Variants in SORCS2 observed in about 807,000 individuals in gnomAD.
SORCS2 encodes the protein sortilin related VPS10 domain containing receptor 2, also known as VPS10 domain-containing receptor SorCS2.
SORCS2 carries 100 observed loss-of-function variants against 141.6 expected under a neutral mutation model. The ratio of observed to expected loss-of-function variants is 0.71; its 90% CI spans 0.60 to 0.83. The LOEUF is 0.83. Among genes scored for constraint, SORCS2 ranks in the 40% least tolerant of loss-of-function variants. The pLI, the probability that SORCS2 is intolerant of heterozygous loss-of-function variation, is 0.00. For missense variants in SORCS2, 1,646 were observed against 1,560.2 expected (o/e 1.05, Z -0.93); for synonymous variants, 789 against 676.9 (o/e 1.17, Z -2.57).
At chr4:7,630,217 G>A (rs566549534) in intron 3 of SORCS2, among the ~76,000 whole-genome samples, 4 of 152,252 alleles carry the variant, frequency 2.6e-5, no homozygotes, top group South Asian at 2.1e-4. Flanking sequence ...CTCAGGATGC[G>A]TGGGAGCCAT....
chr4:7,365,977 T>A (rs942109624), intron 1 of SORCS2, among the ~76,000 whole-genome samples: 2 of 152,180 alleles, frequency 1.3e-5, no homozygotes, highest in African/African-American at 2.4e-5. Context: ...ACAGTCAGTA[T>A]GGGGAGTCCT....
chr4:7,676,799 TTCTGTCTCTCTC>T (rs775800655), intron 9 of SORCS2, among the ~76,000 whole-genome samples: 6,958 of 31,432 alleles, frequency 0.22, 1,277 homozygotes, highest in Non-Finnish European at 0.25. Flanking sequence ...AAGTCTGCCT[TTCTGTCTCTCTC>T]TCTCTCTCTC....
chr4:7,433,498 G>C (rs754999685), intron 2 of SORCS2: 1 of 1,599,492 alleles, frequency 6.3e-7, no homozygotes, highest in African/African-American at 1.3e-5. Flanking sequence ...CTTGCACACA[G>C]CCACGGGGTC....
At chr4:7,339,344 C>T (rs1293847679) in intron 1 of SORCS2, among the ~76,000 whole-genome samples, 1 of 152,236 alleles carries the variant, frequency 6.6e-6, no homozygotes, top group Non-Finnish European at 1.5e-5. Flanking sequence ...TGCAGTGCAA[C>T]AGCTGGTGTA....
intron 14 of SORCS2, among the ~76,000 whole-genome samples, chr4:7,707,839 C>T (rs1397991452): frequency 1.3e-5 from 2 of 152,186 alleles, no homozygotes; most frequent in East Asian, 1.9e-4. Flanking sequence ...GTGCAAGCAC[C>T]GCCTGCAGGG....
At chr4:7,370,957 G>A (rs1217347062) in intron 1 of SORCS2, among the ~76,000 whole-genome samples, 1 of 152,186 alleles carries the variant, frequency 6.6e-6, no homozygotes, top group Non-Finnish European at 1.5e-5. Flanking sequence ...CTAGGAGCCT[G>A]CCCTGGACCC....
intron 1 of SORCS2, among the ~76,000 whole-genome samples, chr4:7,356,367 C>T (rs1247842031): frequency 6.6e-6 from 1 of 152,198 alleles, no homozygotes; most frequent in African/African-American, 2.4e-5. Flanking sequence ...GCTGGGAAGT[C>T]CAAGGTCAAG....
At chr4:7,254,408 C>T (rs1455496358) in intron 1 of SORCS2, among the ~76,000 whole-genome samples, 1 of 148,532 alleles carries the variant, frequency 6.7e-6, no homozygotes, top group African/African-American at 2.6e-5. Context: ...TTAAGTGAAA[C>T]AAGCAAGGTA....
intron 13 of SORCS2, among the ~76,000 whole-genome samples, 178 bp from the exon 14 acceptor site, chr4:7,703,999 A>T (rs1725250411): frequency 6.6e-6 from 1 of 152,234 alleles, no homozygotes; most frequent in Admixed American, 6.5e-5. Flanking sequence ...AGATAAGCAG[A>T]TGTAACATAA....
intron 1 of SORCS2, among the ~76,000 whole-genome samples, chr4:7,310,165 G>A (rs1560182201): frequency 1.3e-5 from 2 of 152,212 alleles, no homozygotes; most frequent in Admixed American, 6.5e-5. Context: ...GAGAGCTGAC[G>A]GCTCTGGAGT....
intron 3 of SORCS2, among the ~76,000 whole-genome samples, chr4:7,542,028 GGGGTGAGGGCAA>G (rs1189715767): frequency 6.6e-6 from 1 of 152,168 alleles, no homozygotes; most frequent in Non-Finnish European, 1.5e-5. Context: ...TTTTGTAACA[GGGGTGAGGGCAA>G]GGCAATTGCC....
chr4:7,238,322 G>T (rs1712435246), intron 1 of SORCS2, among the ~76,000 whole-genome samples: 1 of 152,166 alleles, frequency 6.6e-6, no homozygotes, highest in Admixed American at 6.5e-5. Context: ...ATACAGCTTT[G>T]TGTGTTGCTA....
At position 7,257,441 on chromosome 4, in the gene SORCS2, C is replaced by T. The variant is rs548702193; in HGVS notation, c.480+64315C>T. On this transcript the variant is annotated intron_variant, in intron 1 of 26. Coordinates refer to ENST00000507866, the MANE Select transcript of SORCS2 (RefSeq NM_020777.3). ...TGTAAGTATGGACCCTGAGAGGCGG[C>T]AGGGCAGGGAGAGCCTCTCCGCATC... Among the ~76,000 whole-genome samples the T allele has an allele frequency of 2.5e-4, 38 of 152,232 alleles. 1 individual carries two copies. The highest frequency in any genetic ancestry group is 3.9e-4 in the Admixed American group (6 of 15,302).
intron 1 of SORCS2, among the ~76,000 whole-genome samples, chr4:7,243,654 C>T (rs968798688): frequency 1.3e-5 from 2 of 152,262 alleles, no homozygotes; most frequent in Admixed American, 1.3e-4. Flanking sequence ...AAACTCCAGA[C>T]TCTCAGAAGG....
chr4:7,235,539 A>C (rs1025571367), intron 1 of SORCS2, among the ~76,000 whole-genome samples: 5 of 152,164 alleles, frequency 3.3e-5, no homozygotes, highest in African/African-American at 1.2e-4. Flanking sequence ...GAGCGGGTGG[A>C]TGGGGAGCCC....
At chr4:7,228,211 T>G (rs185961568) in intron 1 of SORCS2, among the ~76,000 whole-genome samples, 33 of 152,344 alleles carry the variant, frequency 2.2e-4, no homozygotes, top group African/African-American at 7.5e-4. Flanking sequence ...CGTATGTGCC[T>G]GTGTCCTAAT....
intron 11 of SORCS2, among the ~76,000 whole-genome samples, chr4:7,694,295 C>T (rs985659920): frequency 3.9e-5 from 6 of 152,028 alleles, no homozygotes; most frequent in African/African-American, 1.5e-4. Flanking sequence ...GAAGCTTCTC[C>T]CCTCATCACC....
chr4:7,612,186 C>A (rs561209005), intron 3 of SORCS2, among the ~76,000 whole-genome samples: 1 of 152,072 alleles, frequency 6.6e-6, no homozygotes, highest in Non-Finnish European at 1.5e-5. Context: ...AGCCAGGATG[C>A]GGGAGTTTCA....
chr4:7,405,182 C>T (rs1254576638), intron 2 of SORCS2, among the ~76,000 whole-genome samples: 1 of 152,026 alleles, frequency 6.6e-6, no homozygotes, highest in East Asian at 1.9e-4. Flanking sequence ...GGCTTTATTT[C>T]TGGGTTCTCC....
Sources: allele counts gnomAD v4.1 joint callset (sites outside exome capture counted in the v4.1 genomes callset), GRCh38; gene constraint gnomAD v4.1.1; transcripts MANE v1.5; gene names NCBI Gene and HGNC (gene_info 2026-07-23, HGNC 2026-07-21).